EML6: variants seen among roughly 807,000 people sequenced by gnomAD.
The protein encoded by EML6 is EMAP like 6.
EML6 carries 154 observed loss-of-function variants against 240.1 expected under a neutral mutation model. The ratio of observed to expected loss-of-function variants is 0.64; its 90% confidence interval spans 0.56 to 0.73. The LOEUF is 0.73. Among genes scored for constraint, EML6 ranks in the 30% least tolerant of loss-of-function variants. The probability of loss-of-function intolerance (pLI) is 0.00; values close to 1 mark genes in which losing one functional copy is unlikely to be tolerated. For missense variants in EML6, 2,964 were observed against 2,474.6 expected, an observed-to-expected ratio of 1.20 and a Z score of -4.20; for synonymous variants, 1,148 against 899.0, an observed-to-expected ratio of 1.28 and a Z score of -4.95.
At chr2:54,759,486 A>T (rs1404911903) in intron 2 of EML6, among the ~76,000 whole-genome samples, 1 of 152,098 alleles carries the variant, frequency 6.6e-6, no homozygotes, top group Non-Finnish European at 1.5e-5. Flanking sequence ...ATTTGCTAAT[A>T]TTTATTGAAT....
At chr2:54,934,704 C>T (rs1368225128) in intron 28 of EML6, among the ~76,000 whole-genome samples, 2 of 152,108 alleles carry the variant, frequency 1.3e-5, no homozygotes, top group Admixed American at 6.6e-5. Context: ...TACAGGTGTG[C>T]ACCACCATAC....
At position 54,971,233 on chromosome 2, in the gene EML6, G is replaced by GTTAGAGTTCC. The variant is rs1473404939; in HGVS notation, c.*1141_*1150dup. 1 of 152,228 alleles carries GTTAGAGTTCC rather than the reference G, an allele frequency of 6.6e-6. No individual in the cohort carries two copies. Among genetic ancestry groups the GTTAGAGTTCC allele is most frequent in the Non-Finnish European group, 1.5e-5 (1 of 68,042 alleles). The allele number at this position is 152,228 out of a possible 1,614,324, so 9.4% of individuals were successfully genotyped here. On this transcript the variant is annotated 3_prime_UTR_variant, in exon 42 of 42. Coordinates refer to ENST00000356458, the MANE Select transcript of EML6 (RefSeq NM_001039753.4). ...CTGGTAAATCAAAATTATAAAGTGA[G>GTTAGAGTTCC]TTAGAGTTCCTTGGAGTTGGTTGTA...
intron 7 of EML6, among the ~76,000 whole-genome samples, chr2:54,839,134 G>T (rs1643745928): frequency 6.6e-6 from 1 of 152,192 alleles, no homozygotes; most frequent in Non-Finnish European, 1.5e-5. Flanking sequence ...TAGAAACTAA[G>T]CCTGGATAGA....
chr2:54,759,106 T>A (rs574602709), intron 2 of EML6, among the ~76,000 whole-genome samples: 7 of 151,830 alleles, frequency 4.6e-5, no homozygotes, highest in African/African-American at 1.7e-4. Context: ...AGGTGGATGT[T>A]TTCAATTCCA....
rs145775654 is a variant in EML6 at position 54,860,845 on chromosome 2, T to A, written c.1825+1144T>A. Among the ~76,000 whole-genome samples the A allele has an allele frequency of 6.7e-3, 1,020 of 152,254 alleles. 9 individuals carry two copies. The highest frequency in any genetic ancestry group is 0.02 in the African/African-American group (837 of 41,538). ...CCCCAGATGGGGTTTATGCCATGTG[T>A]TGAATGCCCAACTTTTACAGCTACC... is the stretch of plus-strand genomic sequence containing the variant. On this transcript the variant is annotated intron_variant, in intron 12 of 41. Transcript: ENST00000356458.
intron 32 of EML6, among the ~76,000 whole-genome samples, chr2:54,957,532 C>T (rs1676287014): frequency 6.6e-6 from 1 of 152,132 alleles, no homozygotes. Context: ...GCTTCCATCT[C>T]ACAGGCCATC....
intron 24 of EML6, among the ~76,000 whole-genome samples, chr2:54,905,197 T>A (rs1293735370): frequency 6.6e-6 from 1 of 152,106 alleles, no homozygotes; most frequent in Non-Finnish European, 1.5e-5. Context: ...TGAAAGCAGC[T>A]GCTTCTCAGA....
intron 26 of EML6, among the ~76,000 whole-genome samples, chr2:54,924,986 A>C (rs1674467555): frequency 6.6e-6 from 1 of 152,182 alleles, no homozygotes; most frequent in African/African-American, 2.4e-5. Flanking sequence ...TCTGTTGAAC[A>C]AAGTTCATTA....
At chr2:54,840,877 A>G (rs1669409579) in intron 7 of EML6, among the ~76,000 whole-genome samples, 1 of 152,236 alleles carries the variant, frequency 6.6e-6, no homozygotes, top group East Asian at 1.9e-4. Context: ...TTGAAATATC[A>G]CTGACTCTTC....
chr2:54,812,048 C>T (rs1667873070), intron 2 of EML6, among the ~76,000 whole-genome samples: 1 of 152,138 alleles, frequency 6.6e-6, no homozygotes, highest in Admixed American at 6.5e-5. Flanking sequence ...ATTATATTCA[C>T]ACAGGCATGT....
intron 38 of EML6, among the ~76,000 whole-genome samples, chr2:54,965,513 G>A (rs577713820): frequency 6.6e-6 from 1 of 152,170 alleles, no homozygotes; most frequent in Non-Finnish European, 1.5e-5. Flanking sequence ...CGGGAGACCG[G>A]AGTTTTATTA....
chr2:54,780,475 G>GCTGT (rs1668804367), intron 2 of EML6, among the ~76,000 whole-genome samples: 1 of 152,158 alleles, frequency 6.6e-6, no homozygotes, highest in South Asian at 2.1e-4. Context: ...TCTAGAGAGG[G>GCTGT]CTGTACTGGA....
chr2:54,855,782 C>T, intron 11 of EML6, among the ~76,000 whole-genome samples: 1 of 152,134 alleles, frequency 6.6e-6, no homozygotes, highest in East Asian at 1.9e-4. Context: ...CTGAGACATT[C>T]AGGCTTTTGT....
intron 9 of EML6, 149 bp from the exon 10 acceptor site, chr2:54,849,813 A>G (rs1180068358): frequency 1.2e-5 from 8 of 694,166 alleles, no homozygotes; most frequent in Admixed American, 5.9e-5. Flanking sequence ...AAATAATAAC[A>G]TTTTATATAT....
chr2:54,960,624 G>A (rs1389133311), intron 35 of EML6, among the ~76,000 whole-genome samples: 1 of 152,078 alleles, frequency 6.6e-6, no homozygotes, highest in South Asian at 2.1e-4. Flanking sequence ...CATCTTACCT[G>A]GCATATAGTC....
intron 28 of EML6, among the ~76,000 whole-genome samples, chr2:54,938,195 A>G (rs972789574): frequency 1.3e-5 from 2 of 152,190 alleles, no homozygotes; most frequent in African/African-American, 2.4e-5. Context: ...AAAATACAAA[A>G]ATTAGCTAGG....
chr2:54,869,351 A>G lies in EML6; in HGVS notation c.2222A>G (p.Tyr741Cys), dbSNP rs201615199. 1.1e-3 allele frequency: 1,668 copies of G among 1,550,676 alleles called. 4 individuals carry two copies. Among genetic ancestry groups the G allele is most frequent in the Non-Finnish European group, 1.3e-3 (1,541 of 1,146,336 alleles). The change falls in exon 15 of 42, where the codon TAT (tyrosine) becomes TGT (cysteine). Residue 741 changes from tyrosine to cysteine, a missense_variant. Coordinates refer to ENST00000356458, the MANE Select transcript of EML6 (RefSeq NM_001039753.4). ...CTGACCATCCATCCAGTGAAGGACT[A>G]TGTGGCTACTGGGCAGGTATCTATC... ...LSLTIHPVKD[Y>C]VATGQVGRDA...
intron 7 of EML6, among the ~76,000 whole-genome samples, chr2:54,831,448 T>C (rs2104197635): frequency 6.6e-6 from 1 of 152,156 alleles, no homozygotes; most frequent in Non-Finnish European, 1.5e-5. Flanking sequence ...TAACCAGGTG[T>C]GGTACTGATC....
chr2:54,895,442 C>G (rs1672713239), intron 21 of EML6, 42 bp downstream of exon 21: 3 of 1,547,914 alleles, frequency 1.9e-6, no homozygotes, highest in African/African-American at 1.4e-5. Context: ...CACATCAAGG[C>G]TGGGACTAGA....
Sources: allele counts gnomAD v4.1 joint callset (sites outside exome capture counted in the v4.1 genomes callset), GRCh38; gene constraint gnomAD v4.1.1; transcripts MANE v1.5; gene names NCBI Gene and HGNC (gene_info 2026-07-23, HGNC 2026-07-21).